IMMP2L: variants seen among roughly 807,000 people sequenced by gnomAD.
IMMP2L encodes mitochondrial inner membrane protease subunit 2.
Under a neutral mutation model 19.3 loss-of-function variants are expected in IMMP2L, and 18 were observed. That is an observed-to-expected ratio of 0.93 (90% CI 0.64 to 1.38). The LOEUF (loss-of-function observed/expected upper bound fraction) is 1.38, where lower values mean the gene tolerates loss of function less well. IMMP2L is among the 40% of genes most tolerant of loss of function. The pLI, the probability that IMMP2L is intolerant of heterozygous loss-of-function variation, is 0.00. For missense variants in IMMP2L, 233 were observed against 218.2 expected (o/e 1.07, Z -0.43); for synonymous variants, 76 against 73.0 (o/e 1.04, Z -0.21).
chr7:111,546,618 G>C (rs1262516245), intron 1 of IMMP2L, among the ~76,000 whole-genome samples: 1 of 152,048 alleles, frequency 6.6e-6, no homozygotes, highest in East Asian at 1.9e-4. Context: ...AGGAACAAAA[G>C]TACTTCCACT....
At chr7:111,291,236 A>G (rs1301932880) in intron 3 of IMMP2L, among the ~76,000 whole-genome samples, 2 of 152,156 alleles carry the variant, frequency 1.3e-5, no homozygotes, top group African/African-American at 2.4e-5. Context: ...AAAAAGTTCA[A>G]CAAGAAACAC....
At chr7:111,511,885 A>C (rs1268635164) in intron 2 of IMMP2L, among the ~76,000 whole-genome samples, 4 of 152,108 alleles carry the variant, frequency 2.6e-5, no homozygotes, top group African/African-American at 9.7e-5. Flanking sequence ...TAGGCCCTTC[A>C]CTTCCCCGTA....
chr7:111,487,109 A>T (rs1842720584), intron 3 of IMMP2L, 129 bp downstream of exon 3: 2 of 456,994 alleles, frequency 4.4e-6, no homozygotes, highest in Non-Finnish European at 3.9e-6. Context: ...ATTTTTTAAA[A>T]ATGCATTGTA....
intron 3 of IMMP2L, chr7:111,091,146 G>A (rs1370946826): frequency 6.6e-6 from 1 of 152,044 alleles, no homozygotes; most frequent in Non-Finnish European, 1.5e-5. Flanking sequence ...ACAACTGATC[G>A]GGTGAACGAT....
rs574823161 is a variant in IMMP2L at position 111,033,761 on chromosome 7, A to C, written c.240-70196T>G. 1.1e-4 allele frequency among the ~76,000 whole-genome samples: 16 copies of C among 152,370 alleles called. No homozygotes were observed. The South Asian group carries it at 3.3e-3, about 32-fold the overall frequency. ...CCAACTATATGACATTCTGATATTTATGCATGAGACATGAAAACATATCAA... is the reference window on the plus strand; with the variant it reads ...CCAACTATATGACATTCTGATATTTCTGCATGAGACATGAAAACATATCAA... On this transcript the variant is annotated intron_variant, in intron 3 of 5. Transcript: ENST00000405709.
chr7:111,295,327 C>T (rs1466319290), intron 3 of IMMP2L, among the ~76,000 whole-genome samples: 1 of 151,662 alleles, frequency 6.6e-6, no homozygotes, highest in African/African-American at 2.4e-5. Context: ...CAGATAAGAA[C>T]CAAAAAGGAG....
chr7:110,967,225 TA>T (rs962546895), intron 3 of IMMP2L, among the ~76,000 whole-genome samples: 1 of 152,020 alleles, frequency 6.6e-6, no homozygotes, highest in Admixed American at 6.6e-5. Flanking sequence ...AATGTAGACA[TA>T]ATAGAATTTC....
intron 3 of IMMP2L, among the ~76,000 whole-genome samples, chr7:111,289,993 C>G (rs1309558686): frequency 1.3e-5 from 2 of 152,002 alleles, no homozygotes; most frequent in African/African-American, 4.8e-5. Context: ...AAAAGCAAAG[C>G]CTTGAATTGA....
At chr7:111,379,486 T>C (rs1830995224) in intron 3 of IMMP2L, among the ~76,000 whole-genome samples, 1 of 151,700 alleles carries the variant, frequency 6.6e-6, no homozygotes, top group Admixed American at 6.6e-5. Context: ...CTTAAAACAA[T>C]CTCACATTAG....
intron 4 of IMMP2L, among the ~76,000 whole-genome samples, chr7:110,916,453 T>C (rs1445386217): frequency 2.0e-5 from 3 of 152,262 alleles, no homozygotes; most frequent in Non-Finnish European, 2.9e-5. Context: ...TCTACTATTA[T>C]ATAAAAGTGG....
intron 3 of IMMP2L, among the ~76,000 whole-genome samples, chr7:111,114,490 C>A (rs1162751544): frequency 6.6e-6 from 1 of 152,126 alleles, no homozygotes; most frequent in African/African-American, 2.4e-5. Flanking sequence ...GTAATCCCAG[C>A]ACTTTGTGAG....
intron 3 of IMMP2L, among the ~76,000 whole-genome samples, chr7:111,205,314 T>G (rs1321657016): frequency 6.6e-6 from 1 of 152,176 alleles, no homozygotes; most frequent in African/African-American, 2.4e-5. Context: ...ACATATGAAT[T>G]CTGGGGGACA....
At chr7:111,073,579 T>A (rs1795143385) in intron 3 of IMMP2L, among the ~76,000 whole-genome samples, 1 of 152,116 alleles carries the variant, frequency 6.6e-6, no homozygotes, top group Non-Finnish European at 1.5e-5. Context: ...AAATGAGAAA[T>A]CCCATTTGCT....
intron 3 of IMMP2L, 127 bp downstream of exon 3, chr7:111,487,111 T>C: frequency 4.3e-6 from 2 of 460,274 alleles, no homozygotes; most frequent in South Asian, 5.6e-5. Context: ...TTTTTAAAAA[T>C]GCATTGTATT....
At chr7:111,475,191 T>C (rs1475891512) in intron 3 of IMMP2L, among the ~76,000 whole-genome samples, 2 of 152,116 alleles carry the variant, frequency 1.3e-5, no homozygotes, top group Non-Finnish European at 2.9e-5. Context: ...CACTAGATTA[T>C]GCAAAGGAAT....
chr7:111,445,134 C>A (rs1838189520), intron 3 of IMMP2L, among the ~76,000 whole-genome samples: 1 of 151,940 alleles, frequency 6.6e-6, no homozygotes, highest in African/African-American at 2.4e-5. Flanking sequence ...AGTATGATAT[C>A]CTTTCCCATC....
At chr7:111,044,899 A>G (rs1792248123) in intron 3 of IMMP2L, among the ~76,000 whole-genome samples, 1 of 152,328 alleles carries the variant, frequency 6.6e-6, no homozygotes, top group Non-Finnish European at 1.5e-5. Flanking sequence ...ATTTATGTTT[A>G]TTTATAATTT....
At chr7:110,950,089 A>G (rs1356206857) in intron 4 of IMMP2L, among the ~76,000 whole-genome samples, 1 of 152,094 alleles carries the variant, frequency 6.6e-6, no homozygotes. Flanking sequence ...GACGTTGCAC[A>G]TTTTCAGGTC....
At chr7:110,739,903 A>G (rs1796886956) in intron 5 of IMMP2L, among the ~76,000 whole-genome samples, 1 of 152,180 alleles carries the variant, frequency 6.6e-6, no homozygotes, top group Non-Finnish European at 1.5e-5. Context: ...ATCCACTCCA[A>G]AAGGAACCCT....
Sources: gnomAD v4.1 joint callset for allele counts (sites outside exome capture counted in the v4.1 genomes callset) on GRCh38, gnomAD v4.1.1 for gene constraint, MANE v1.5 for transcripts, NCBI Gene and HGNC (gene_info 2026-07-23, HGNC 2026-07-21) for gene names.